Variants in RNF17 observed in about 807,000 individuals in gnomAD.
The protein encoded by RNF17 is spermatogenesis associated 23.
RNF17 carries 31 observed loss-of-function variants against 200.5 expected under a neutral mutation model. The observed-to-expected ratio is 0.15, with a 90% CI of 0.12 to 0.21. The LOEUF is 0.21. Ranked by LOEUF, RNF17 falls within the 10% of genes least tolerant of loss-of-function variation. The pLI is 1.00. For missense variants in RNF17, 1,628 were observed against 1,905.1 expected (o/e 0.85, Z 2.71); for synonymous variants, 606 against 637.8 (o/e 0.95, Z 0.75).
intron 1 of RNF17, 39 bp from the exon 2 acceptor site, chr13:24,767,233 C>A: frequency 7.2e-7 from 1 of 1,385,404 alleles, no homozygotes; most frequent in South Asian, 1.2e-5. Flanking sequence ...CAATAATCAT[C>A]ATCATCATCA....
At chr13:24,824,736 C>T (rs905708905) in intron 15 of RNF17, among the ~76,000 whole-genome samples, 5 of 152,136 alleles carry the variant, frequency 3.3e-5, no homozygotes, top group Admixed American at 1.3e-4. Context: ...ACTGGATATT[C>T]ATATAATGCC....
intron 1 of RNF17, among the ~76,000 whole-genome samples, chr13:24,764,891 GTGTGTGT>G (rs1566106117): frequency 4.3e-4 from 28 of 64,700 alleles, no homozygotes; most frequent in African/African-American, 1.2e-3. Flanking sequence ...CTTGTGGGGT[GTGTGTGT>G]GTGTGTGTGT....
upstream of RNF17, among the ~76,000 whole-genome samples, chr13:24,762,392 A>AG (rs1427550005): frequency 1.4e-5 from 2 of 146,354 alleles, no homozygotes; most frequent in African/African-American, 2.5e-5. Flanking sequence ...AAAAAAAAAA[A>AG]AGAGAATATG....
chr13:24,873,978 T>A, intron 32 of RNF17, 136 bp from the exon 33 acceptor site: 1 of 766,932 alleles, frequency 1.3e-6, no homozygotes, highest in Non-Finnish European at 2.1e-6. Context: ...CCTGGGTTGA[T>A]TCCGTATCTT....
Position 24,853,710 on chromosome 13 carries a change from T to C in RNF17, c.3321-145T>C, listed in dbSNP as rs141790022. On this transcript the variant is annotated intron_variant, in intron 24 of 35. Coordinates refer to ENST00000255324, the MANE Select transcript of RNF17 (RefSeq NM_031277.3). ...CTCATAATTTAAAGTAGTTTTAATT[T>C]TAACTGATGCTAATTTTTATGTAAC... 1.8e-4 allele frequency: 108 copies of C among 600,080 alleles called. No homozygotes were observed. The East Asian group carries it at 3.3e-3, about 18-fold the overall frequency. The allele number at this position is 600,080 out of a possible 1,614,324, so 37.2% of individuals were successfully genotyped here. A position where few individuals can be genotyped will look rare whatever the true frequency, so the allele number is the denominator to read the frequency against.
chr13:24,779,631 G>T, intron 4 of RNF17, 36 bp from the exon 5 acceptor site: 1 of 1,529,744 alleles, frequency 6.5e-7, no homozygotes. Context: ...CTGTTTTTTA[G>T]TTTTATATTT....
intron 11 of RNF17, among the ~76,000 whole-genome samples, chr13:24,797,705 A>AGTTTGTGTGTGTGTGTGTGT (rs59493601): frequency 8.4e-4 from 100 of 119,092 alleles, no homozygotes; most frequent in African/African-American, 2.6e-3. Context: ...AGAGACAAAG[A>AGTTTGTGTGTGTGTGTGTGT]GTGTGTGTGT....
intron 34 of RNF17, 58 bp from the exon 35 acceptor site, chr13:24,879,129 A>T: frequency 7.7e-7 from 1 of 1,301,608 alleles, no homozygotes; most frequent in South Asian, 1.2e-5. Flanking sequence ...CAGATATGAG[A>T]GGGAAAAGGC....
At chr13:24,857,036 G>A (rs983434978) in intron 25 of RNF17, among the ~76,000 whole-genome samples, 1 of 152,174 alleles carries the variant, frequency 6.6e-6, no homozygotes, top group Admixed American at 6.6e-5. Flanking sequence ...GATATGGACA[G>A]GGAGAAAATA....
In RNF17 at chr13:24,793,105, A is replaced by G. The variant is rs898822977; in HGVS notation, c.999A>G (p.Glu333=). The G allele has an allele frequency of 1.2e-6, 2 of 1,602,570 alleles. No homozygotes were observed. The highest frequency in any genetic ancestry group is 8.5e-7 in the Non-Finnish European group (1 of 1,175,394). ...NVQKKYNNKK[E]LSCYDTYPPL... ...AAAAGAAATATAATAACAAAAAGGA[A>G]CTTTCTTGTTACGATACATACCCAC... The change falls in exon 10 of 36, where the codon GAA becomes GAG. Residue 333 remains glutamate (E), a synonymous_variant. Transcript: ENST00000255324.
intron 16 of RNF17, among the ~76,000 whole-genome samples, chr13:24,826,787 G>C (rs940153565): frequency 3.3e-5 from 5 of 151,086 alleles, no homozygotes; most frequent in African/African-American, 1.2e-4. Context: ...AAGGCCGGGT[G>C]CGGTGGCTCA....
chr13:24,868,097 A>G (rs2138379916), intron 30 of RNF17, among the ~76,000 whole-genome samples: 1 of 152,292 alleles, frequency 6.6e-6, no homozygotes, highest in Non-Finnish European at 1.5e-5. Context: ...TAGAGGACAA[A>G]AGAATACTAA....
At chr13:24,841,795 C>G (rs1224365936) in intron 18 of RNF17, among the ~76,000 whole-genome samples, 3 of 152,024 alleles carry the variant, frequency 2.0e-5, no homozygotes, top group Non-Finnish European at 4.4e-5. Flanking sequence ...CCCGTCTCTA[C>G]TAAAAATACA....
At position 24,827,703 on chromosome 13, in the gene RNF17, AAAAAAAAAAAAAAAC is replaced by A. The variant is rs1333109370; in HGVS notation, c.2245+1945_2245+1959del. Among the ~76,000 whole-genome samples the A allele has an allele frequency of 1.1e-3, 107 of 98,740 alleles. 2 individuals are homozygous for A. Among genetic ancestry groups the A allele is most frequent in the African/African-American group, 4.8e-3 (96 of 20,042 alleles). The allele number at this position is 98,740 out of a possible 152,430, so 64.8% of individuals were successfully genotyped here. The stretch of plus-strand genomic sequence containing the variant: ...GGCGACAGAGCGAGACTCCGTCTCA[AAAAAAAAAAAAAAAC>A]AAAAAAAAAAAAACAATAGAAATTT... On this transcript the variant is annotated intron_variant, in intron 16 of 35. Transcript: ENST00000255324.
chr13:24,827,720 A>AAC (rs1593361700), intron 16 of RNF17, among the ~76,000 whole-genome samples: 1 of 147,650 alleles, frequency 6.8e-6, no homozygotes, highest in Non-Finnish European at 1.5e-5. Context: ...AAAAAAAACA[A>AAC]AAAAAAAAAA....
At chr13:24,866,044 CA>C in intron 29 of RNF17, 99 bp from the exon 30 acceptor site, 1 of 686,032 alleles carries the variant, frequency 1.5e-6, no homozygotes, top group Non-Finnish European at 2.6e-6. Flanking sequence ...AAATGAATAC[CA>C]ACAAGGAAAT....
intron 26 of RNF17, among the ~76,000 whole-genome samples, chr13:24,860,309 T>C (rs1463235178): frequency 6.6e-6 from 1 of 152,162 alleles, no homozygotes; most frequent in African/African-American, 2.4e-5. Context: ...ATTCTCATGC[T>C]GTCCAAATAT....
rs1566240802 is a variant in RNF17 at position 24,861,718 on chromosome 13, C to T, written c.3894+331C>T. ...AAGAGTGTCTTATTCTGTATTGCTG[C>T]ATAACAAATTAAGCTGAGACTTAGT... is the stretch of plus-strand genomic sequence containing the variant. On this transcript the variant is annotated intron_variant, in intron 27 of 35. Transcript: ENST00000255324. Among the ~76,000 whole-genome samples, 6 of 152,250 alleles carry T rather than the reference C, an allele frequency of 3.9e-5. No individual in the cohort carries two copies. In the South Asian group the frequency reaches 1.2e-3, roughly 32 times the overall value.
intron 15 of RNF17, among the ~76,000 whole-genome samples, chr13:24,808,287 G>A (rs1181844609): frequency 6.6e-6 from 1 of 152,012 alleles, no homozygotes; most frequent in Non-Finnish European, 1.5e-5. Flanking sequence ...AGCATGGAAT[G>A]TTCTTCCATT....
Sources: gnomAD v4.1 joint callset for allele counts (sites outside exome capture counted in the v4.1 genomes callset) on GRCh38, gnomAD v4.1.1 for gene constraint, MANE v1.5 for transcripts, NCBI Gene and HGNC (gene_info 2026-07-23, HGNC 2026-07-21) for gene names.